ACSM2B: variants seen among roughly 807,000 people sequenced by gnomAD.
ACSM2B encodes the protein acyl-coenzyme A synthetase ACSM2B, mitochondrial.
ACSM2B carries 58 observed loss-of-function variants against 78.6 expected under a neutral mutation model. That is an observed-to-expected ratio of 0.74 (90% CI 0.60 to 0.92). ACSM2B has a LOEUF of 0.92. ACSM2B is among the 40% of genes least tolerant of loss of function. The pLI, the probability that ACSM2B is intolerant of heterozygous loss-of-function variation, is 0.00. For synonymous variants in ACSM2B, 257 were observed against 256.8 expected (o/e 1.00, Z -0.01); for missense variants, 688 against 711.2 (o/e 0.97, Z 0.37).
At chr16:20,547,972 G>T (rs2015190077) in intron 8 of ACSM2B, 90 bp downstream of exon 8, 9 of 1,576,058 alleles carry the variant, frequency 5.7e-6, no homozygotes, top group Admixed American at 1.9e-5. Context: ...ATAAATGAAT[G>T]ATACATGGTG....
At chr16:20,570,942 C>T (rs1366684981) in intron 1 of ACSM2B, among the ~76,000 whole-genome samples, 1 of 151,592 alleles carries the variant, frequency 6.6e-6, no homozygotes, top group Non-Finnish European at 1.5e-5. Context: ...TCTAATTGAG[C>T]TTATTTGGAT....
intron 8 of ACSM2B, chr16:20,547,157 G>C: frequency 9.8e-7 from 1 of 1,017,700 alleles, no homozygotes; most frequent in Non-Finnish European, 1.2e-6. Flanking sequence ...TGCTGGAAAG[G>C]GCAAGTTGAT....
chr16:20,569,244 G>A (rs1390279032), intron 1 of ACSM2B, among the ~76,000 whole-genome samples: 4 of 151,910 alleles, frequency 2.6e-5, no homozygotes, highest in Non-Finnish European at 5.9e-5. Context: ...TTTTGTATAA[G>A]GTGATATATG....
chr16:20,559,894 T>C (rs748756152), intron 2 of ACSM2B, among the ~76,000 whole-genome samples: 19 of 151,198 alleles, frequency 1.3e-4, no homozygotes, highest in South Asian at 4.2e-4. Flanking sequence ...CCAACATGTA[T>C]CTTCTGGAAA....
At chr16:20,537,866 CAT>C (rs1159072563) in intron 13 of ACSM2B, among the ~76,000 whole-genome samples, 1 of 152,164 alleles carries the variant, frequency 6.6e-6, no homozygotes, top group African/African-American at 2.4e-5. Flanking sequence ...GGTCTTTAGA[CAT>C]GTAAGACATT....
intron 13 of ACSM2B, among the ~76,000 whole-genome samples, chr16:20,537,646 C>G (rs995841515): frequency 7.2e-5 from 11 of 152,212 alleles, no homozygotes; most frequent in Admixed American, 5.9e-4. Context: ...ATCAGACTCT[C>G]TGGACCCCAG....
chr16:20,572,461 T>A (rs2016115980), intron 1 of ACSM2B, among the ~76,000 whole-genome samples: 1 of 134,952 alleles, frequency 7.4e-6, no homozygotes, highest in African/African-American at 3.4e-5. Context: ...TCTGACAGGT[T>A]TTCCTTTATA....
At chr16:20,570,242 T>G (rs532087538) in intron 1 of ACSM2B, among the ~76,000 whole-genome samples, 1 of 151,950 alleles carries the variant, frequency 6.6e-6, no homozygotes, top group East Asian at 1.9e-4. Context: ...CATGGTATGC[T>G]GATTTTGCTG....
chr16:20,566,447 CAT>C (rs1168037217), intron 1 of ACSM2B, among the ~76,000 whole-genome samples: 3 of 122,744 alleles, frequency 2.4e-5, no homozygotes, highest in South Asian at 2.3e-4. Context: ...TTGTATATAA[CAT>C]ATTATATAAT....
At chr16:20,564,638 C>T in intron 2 of ACSM2B, 31 bp downstream of exon 2, 1 of 1,610,946 alleles carries the variant, frequency 6.2e-7, no homozygotes, top group East Asian at 2.2e-5. Flanking sequence ...ACAAAATTGT[C>T]TCACTCTGTG....
chr16:20,544,519 G>A, intron 10 of ACSM2B: 2 of 930,520 alleles, frequency 2.1e-6, no homozygotes, highest in South Asian at 9.9e-5. Context: ...ATAAATGGTA[G>A]AAACTATTAT....
intron 8 of ACSM2B, chr16:20,547,687 T>C (rs1337079135): frequency 9.2e-7 from 1 of 1,091,592 alleles, no homozygotes; most frequent in Non-Finnish European, 1.1e-6. Flanking sequence ...TTTGATAAAC[T>C]TTGGTCTCTG....
At chr16:20,553,647 G>C in intron 5 of ACSM2B, 130 bp downstream of exon 5, 1 of 1,417,086 alleles carries the variant, frequency 7.1e-7, no homozygotes, top group Non-Finnish European at 9.5e-7. Context: ...GTCCTCTTTA[G>C]CTTTCCTTCT....
chr16:20,543,731 G>T (rs970366211), intron 10 of ACSM2B, among the ~76,000 whole-genome samples: 81 of 152,210 alleles, frequency 5.3e-4, no homozygotes, highest in African/African-American at 1.2e-3. Context: ...CAATAGCTGG[G>T]TCCCTCTATT....
chr16:20,545,332 A>T, intron 9 of ACSM2B, 74 bp from the exon 10 acceptor site: 1 of 1,530,142 alleles, frequency 6.5e-7, no homozygotes. Context: ...GAGATTGCTG[A>T]GTTGGTCAAA....
At chr16:20,557,194 C>G (rs67888181) in intron 3 of ACSM2B, among the ~76,000 whole-genome samples, 6 of 151,826 alleles carry the variant, frequency 4.0e-5, no homozygotes, top group Non-Finnish European at 8.8e-5. Flanking sequence ...AATTTTAGAG[C>G]CTTAAATCCA....
intron 1 of ACSM2B, among the ~76,000 whole-genome samples, chr16:20,568,424 A>C (rs1191739851): frequency 6.8e-6 from 1 of 147,036 alleles, no homozygotes; most frequent in African/African-American, 2.5e-5. Context: ...ATTTATAAAA[A>C]TATATAAATA....
intron 4 of ACSM2B, chr16:20,554,189 T>G (rs1567211302): frequency 1.6e-6 from 1 of 608,608 alleles, no homozygotes; most frequent in Non-Finnish European, 3.0e-6. Context: ...TGCAAAAAAG[T>G]GAGATCAAGT....
chr16:20,541,479 C>T lies in ACSM2B; in HGVS notation c.1510-706G>A, dbSNP rs13332567. Among the ~76,000 whole-genome samples, 1,237 of 152,120 alleles carry T rather than the reference C, an allele frequency of 8.1e-3. 15 individuals are homozygous for T. Among genetic ancestry groups the T allele is most frequent in the African/African-American group, 0.029 (1,206 of 41,462 alleles). ...TTTTTCCCTTTATTTTCACTGTGAA[C>T]TCTGTGGCACAGGGGCTCTATCCTT... On this transcript the variant is annotated intron_variant, in intron 12 of 13. Coordinates refer to ENST00000329697, the MANE Select transcript of ACSM2B (RefSeq NM_001105069.2).
Sources: gnomAD v4.1 joint callset for allele counts (sites outside exome capture counted in the v4.1 genomes callset) on GRCh38, gnomAD v4.1.1 for gene constraint, MANE v1.5 for transcripts, NCBI Gene and HGNC (gene_info 2026-07-23, HGNC 2026-07-21) for gene names.